IL4I1: variants seen among roughly 807,000 people sequenced by gnomAD.
IL4I1 encodes interleukin 4 induced 1.
A neutral mutation model predicts 29.7 loss-of-function variants in IL4I1; 24 were observed. The observed-to-expected ratio is 0.81, with a 90% confidence interval of 0.59 to 1.14. The LOEUF (loss-of-function observed/expected upper bound fraction) is 1.14. IL4I1 is among the 50% of genes most tolerant of loss of function. The pLI, the probability that IL4I1 is intolerant of heterozygous loss-of-function variation, is 0.00. For synonymous variants in IL4I1, 371 were observed against 352.5 expected (o/e 1.05, Z -0.59); for missense variants, 686 against 785.6 (o/e 0.87, Z 1.52).
At position 49,921,502 on chromosome 19, in the gene IL4I1, G is replaced by A. The variant is rs562190570; in HGVS notation, c.-228+6192C>T. 1.3e-5 allele frequency among the ~76,000 whole-genome samples: 2 copies of A among 152,166 alleles called. No individual in the cohort carries two copies. The highest frequency in any genetic ancestry group is 2.1e-4 in the South Asian group (1 of 4,828). ...TGATCCGCCCGCCCCAGCTGCAGAC[G>A]ATGGCCTGAGACGCCTGCAGGGAAG... On this transcript the variant is annotated intron_variant, in intron 2 of 9. Transcript: ENST00000341114. This position sits in a 1 kb window ranked among gnomAD's most constrained non-coding sequence, Gnocchi z 5.4.
chr19:49,889,828 T>C lies in IL4I1; in HGVS notation c.1546A>G (p.Ser516Gly), dbSNP rs747058477. ...SRKGPASDTA[S>G]PEGHASDMEG... Reference sequence around the variant, plus strand: ...ATGTCAGATGCGTGCCCCTCGGGGCTGGCCGTGTCCGATGCAGGCCCCTTC... The same window carrying C: ...ATGTCAGATGCGTGCCCCTCGGGGCCGGCCGTGTCCGATGCAGGCCCCTTC... The change falls in exon 8 of 8, where the codon AGC (serine) becomes GGC (glycine). Residue 516 changes from serine to glycine, a missense_variant. Ser to Gly is a moderately conservative substitution (Grantham distance 56). Transcript: ENST00000391826. 6.4e-7 allele frequency: 1 copy of C among 1,567,046 alleles called. No individual in the cohort carries two copies. The highest frequency in any genetic ancestry group is 8.7e-7 in the Non-Finnish European group (1 of 1,155,692).
At chr19:49,926,038 G>GT (rs1398664909) in intron 2 of IL4I1, among the ~76,000 whole-genome samples, 1 of 151,866 alleles carries the variant, frequency 6.6e-6, no homozygotes, top group Non-Finnish European at 1.5e-5. Context: ...GTGAAACCCT[G>GT]TATCTACTAA....
At chr19:49,928,600 C>T (rs1431581906) in intron 1 of IL4I1, 2 of 151,696 alleles carry the variant, frequency 1.3e-5, no homozygotes, top group East Asian at 3.9e-4. Context: ...TTATTTGAGT[C>T]TCATAAACCC....
chr19:49,910,907 G>A (rs1322147262), intron 2 of IL4I1, among the ~76,000 whole-genome samples: 1 of 152,086 alleles, frequency 6.6e-6, no homozygotes, highest in East Asian at 1.9e-4. Context: ...AATAGGGGTG[G>A]TTTCTTTTTC....
rs1355297860 is a variant in IL4I1 at position 49,891,077 on chromosome 19, G to A, written c.667C>T (p.Arg223Trp). The change falls in exon 7 of 8, where the codon CGG (arginine) becomes TGG (tryptophan). Residue 223 changes from arginine to tryptophan, a missense_variant. By Grantham distance (101) the Arg-to-Trp change is moderately radical (BLOSUM62 -3). Transcript: ENST00000391826. ...EYLLGEGNLS[R>W]PAVQLLGDVM... ...TCTCCCAGAAGCTGCACGGCCGGCC[G>A]GCTCAGGTTCCCCTCCCCGAGAAGA... 2 of 1,613,370 alleles carry A rather than the reference G, an allele frequency of 1.2e-6. No homozygotes were observed. Among genetic ancestry groups the A allele is most frequent in the African/African-American group, 1.3e-5 (1 of 74,878 alleles).
upstream of IL4I1, among the ~76,000 whole-genome samples, chr19:49,897,941 G>T (rs928609081): frequency 6.6e-6 from 1 of 152,230 alleles, no homozygotes; most frequent in South Asian, 2.1e-4. Flanking sequence ...GAGTAACAAG[G>T]CATGTGACGC....
intron 2 of IL4I1, among the ~76,000 whole-genome samples, chr19:49,910,186 T>A (rs1054243207): frequency 1.5e-4 from 23 of 151,812 alleles, no homozygotes; most frequent in African/African-American, 5.3e-4. Flanking sequence ...CCTGAGGAGA[T>A]CAGATTTGAG....
intron 2 of IL4I1, among the ~76,000 whole-genome samples, chr19:49,912,513 AG>A (rs1389488059): frequency 2.6e-5 from 4 of 152,112 alleles, no homozygotes; most frequent in Non-Finnish European, 4.4e-5. Context: ...TCCAATACTC[AG>A]GTGCCAGGGA....
At chr19:49,908,874 C>A in intron 2 of IL4I1, 1 of 1,610,662 alleles carries the variant, frequency 6.2e-7, no homozygotes, top group Non-Finnish European at 8.5e-7. Flanking sequence ...CCAGGTGGAG[C>A]GGTCACGGCA....
At chr19:49,898,005 G>C (rs938200817), upstream of IL4I1, among the ~76,000 whole-genome samples, 1 of 152,212 alleles carries the variant, frequency 6.6e-6, no homozygotes, top group Non-Finnish European at 1.5e-5. Context: ...AGAGTTCAGG[G>C]ACCGAAAGAG....
At chr19:49,905,271 G>GTGGGCATTTTTTGGTACCT (rs1318646442) in intron 2 of IL4I1, among the ~76,000 whole-genome samples, 1 of 152,226 alleles carries the variant, frequency 6.6e-6, no homozygotes, top group African/African-American at 2.4e-5. Context: ...TGTGGCCCCT[G>GTGGGCATTTTTTGGTACCT]CCAACGACCT....
intron 2 of IL4I1, chr19:49,917,693 C>T (rs1205471835): frequency 6.6e-6 from 1 of 152,268 alleles, no homozygotes; most frequent in Non-Finnish European, 1.5e-5. Context: ...GTCCTGCTCT[C>T]TTACATAACT....
intron 2 of IL4I1, among the ~76,000 whole-genome samples, chr19:49,924,599 C>G (rs2075840768): frequency 6.6e-6 from 1 of 152,202 alleles, no homozygotes; most frequent in Non-Finnish European, 1.5e-5. Context: ...TGAAGGGGAG[C>G]TCGAGGCTGG....
intron 2 of IL4I1, among the ~76,000 whole-genome samples, chr19:49,920,598 G>A (rs576984823): frequency 1.5e-4 from 23 of 152,316 alleles, no homozygotes; most frequent in Admixed American, 8.5e-4. Flanking sequence ...CTGTGGAGGC[G>A]GATAGGCGTC....
Position 49,921,699 on chromosome 19 carries a change from G to C in IL4I1, c.-228+5995C>G, listed in dbSNP as rs980572902. Reference sequence around the variant, plus strand: ...CCTCTGCCCATTGAGGGGGCACCTAGGGAGCCTAGGGGTCCCGTGAGGCCC... The same window carrying C: ...CCTCTGCCCATTGAGGGGGCACCTACGGAGCCTAGGGGTCCCGTGAGGCCC... On this transcript the variant is annotated intron_variant, in intron 2 of 9. Transcript: ENST00000341114. The surrounding 1 kb of genome is among the most constrained non-coding windows in gnomAD (Gnocchi z 5.4). Among the ~76,000 whole-genome samples, 1 of 152,152 alleles carries C rather than the reference G, an allele frequency of 6.6e-6. No homozygotes were observed. The highest frequency in any genetic ancestry group is 1.5e-5 in the Non-Finnish European group (1 of 67,996).
At chr19:49,891,564 G>T (rs2075139694) in intron 5 of IL4I1, 91 bp from the exon 6 acceptor site, 1 of 1,163,282 alleles carries the variant, frequency 8.6e-7, no homozygotes, top group East Asian at 2.3e-5. Flanking sequence ...TCTCCTCGTG[G>T]TTCTGCCCAC....
intron 2 of IL4I1, among the ~76,000 whole-genome samples, chr19:49,912,188 A>G (rs1293493292): frequency 3.9e-4 from 17 of 43,406 alleles, no homozygotes; most frequent in Admixed American, 3.1e-3. Flanking sequence ...TTTTTTTTTG[A>G]GACGGGAGTC....
chr19:49,906,630 A>G (rs1190297991), intron 2 of IL4I1, among the ~76,000 whole-genome samples: 1 of 152,124 alleles, frequency 6.6e-6, no homozygotes, highest in Non-Finnish European at 1.5e-5. Flanking sequence ...GGAGCAAACC[A>G]CGATTTGCAT....
chr19:49,890,165 C>A lies in IL4I1; in HGVS notation c.1209G>T (p.Ala403=), dbSNP rs745745610. 3 of 1,542,064 alleles carry A rather than the reference C, an allele frequency of 1.9e-6. No homozygotes were observed. The highest frequency in any genetic ancestry group is 2.7e-5 in the African/African-American group (2 of 72,874). Residue 403 remains alanine, a synonymous_variant, in exon 8 of 8, where the codon GCG becomes GCT. Coordinates refer to ENST00000391826, the MANE Select transcript of IL4I1 (RefSeq NM_152899.2). ...LLLASYTWSD[A]AAAFAGLSRE... ...GGCTCAAGCCGGCGAACGCTGCCGC[C>A]GCGTCCGACCACGTGTACGAGGCCA... is the stretch of plus-strand genomic sequence containing the variant.
Sources: allele counts gnomAD v4.1 joint callset (sites outside exome capture counted in the v4.1 genomes callset), GRCh38; gene constraint gnomAD v4.1.1; non-coding constraint Gnocchi (gnomAD v3.1); transcripts MANE v1.5; gene names NCBI Gene and HGNC (gene_info 2026-07-23, HGNC 2026-07-21).